TTC17: variants seen among roughly 807,000 people sequenced by gnomAD.
TTC17 encodes tetratricopeptide repeat protein 17.
Under a neutral mutation model 143.8 loss-of-function variants are expected in TTC17, and 58 were observed. That is an observed-to-expected ratio of 0.40 (90% CI 0.33 to 0.50). The LOEUF is 0.50. Among genes scored for constraint, TTC17 ranks in the 20% least tolerant of loss-of-function variants. The probability of loss-of-function intolerance (pLI) is 0.49; values close to 1 mark genes in which losing one functional copy is unlikely to be tolerated. For missense variants in TTC17, 1,273 were observed against 1,392.5 expected, an observed-to-expected ratio of 0.91 and a Z score of 1.37; for synonymous variants, 501 against 497.8, an observed-to-expected ratio of 1.01 and a Z score of -0.09.
chr11:43,403,521 CTT>C (rs949627681), intron 10 of TTC17, among the ~76,000 whole-genome samples: 11 of 152,134 alleles, frequency 7.2e-5, no homozygotes, highest in Non-Finnish European at 8.8e-5. Flanking sequence ...ACCCTCAAAA[CTT>C]TTCTTTGTAA....
At chr11:43,413,677 G>C (rs1338529702) in intron 15 of TTC17, among the ~76,000 whole-genome samples, 1 of 151,054 alleles carries the variant, frequency 6.6e-6, no homozygotes, top group Non-Finnish European at 1.5e-5. Context: ...CTTCAGAAAT[G>C]AGGATATCCA....
intron 16 of TTC17, among the ~76,000 whole-genome samples, chr11:43,420,713 T>A (rs1034804516): frequency 6.6e-6 from 1 of 152,188 alleles, no homozygotes; most frequent in Admixed American, 6.5e-5. Flanking sequence ...GTTTTATACT[T>A]CAGCCTCTGA....
rs779463707 is a variant in TTC17, at chr11:43,358,951, C to G, written c.-4C>G. 3 of 1,571,324 alleles carry G rather than the reference C, an allele frequency of 1.9e-6. No individual in the cohort carries two copies. The South Asian group carries it at 3.4e-5, about 18-fold the overall frequency. On this transcript the variant is annotated 5_prime_UTR_variant, in exon 1 of 24. Transcript: ENST00000039989. ...GGTGTGAGCGGCCCGGCCGGGGGGG[C>G]AAGATGGCGGCGGCAGTAGGGGTTC...
intron 18 of TTC17, chr11:43,446,827 C>T (rs1590436575): frequency 3.6e-6 from 1 of 277,112 alleles, no homozygotes; most frequent in Non-Finnish European, 5.5e-6. Context: ...AAAGGGCCCA[C>T]ACCCAAAAGG....
chr11:43,414,804 T>G, intron 16 of TTC17, 28 bp downstream of exon 16: 1 of 1,601,782 alleles, frequency 6.2e-7, no homozygotes. Flanking sequence ...GCTGACAAAC[T>G]AATGAGCTCA....
At chr11:43,407,066 A>C in intron 13 of TTC17, 72 bp from the exon 14 acceptor site, 8 of 993,152 alleles carry the variant, frequency 8.1e-6, no homozygotes, top group African/African-American at 1.6e-5. Context: ...AAAGACTGCC[A>C]TCTATAGAAA....
intron 16 of TTC17, among the ~76,000 whole-genome samples, chr11:43,434,780 G>GA (rs1947248033): frequency 1.3e-5 from 2 of 152,120 alleles, no homozygotes; most frequent in Non-Finnish European, 2.9e-5. Flanking sequence ...TTAAAACAAA[G>GA]AATCCTCAAT....
chr11:43,445,753 A>G (rs759892987), intron 18 of TTC17, among the ~76,000 whole-genome samples: 1 of 152,250 alleles, frequency 6.6e-6, no homozygotes, highest in African/African-American at 2.4e-5. Flanking sequence ...TCAAATTAGT[A>G]TGGATTCTAT....
At chr11:43,431,169 T>C (rs1947150082) in intron 16 of TTC17, among the ~76,000 whole-genome samples, 1 of 152,210 alleles carries the variant, frequency 6.6e-6, no homozygotes, top group African/African-American at 2.4e-5. Flanking sequence ...ATCCAGTCTA[T>C]CATTGATGGG....
At chr11:43,441,763 T>C (rs936242070) in intron 16 of TTC17, among the ~76,000 whole-genome samples, 1 of 152,184 alleles carries the variant, frequency 6.6e-6, no homozygotes, top group Non-Finnish European at 1.5e-5. Flanking sequence ...CTCCATATTC[T>C]CTCTTCATTT....
intron 1 of TTC17, among the ~76,000 whole-genome samples, chr11:43,372,647 C>G (rs1463500398): frequency 6.6e-6 from 1 of 151,968 alleles, no homozygotes; most frequent in Non-Finnish European, 1.5e-5. Context: ...TGTGCCACTA[C>G]GCCTGGCTAA....
intron 1 of TTC17, among the ~76,000 whole-genome samples, chr11:43,364,635 T>C (rs1358795733): frequency 6.6e-6 from 1 of 152,196 alleles, no homozygotes; most frequent in Non-Finnish European, 1.5e-5. Flanking sequence ...TTCAAAATGA[T>C]TCTCATTCAG....
At chr11:43,373,504 T>C (rs144995768) in intron 1 of TTC17, among the ~76,000 whole-genome samples, 5,816 of 152,050 alleles carry the variant, frequency 0.038, 151 homozygotes, top group Middle Eastern at 0.082. Context: ...TTTGTATTTT[T>C]AGTAGAGATG....
chr11:43,374,804 A>T (rs1037646954), intron 1 of TTC17, among the ~76,000 whole-genome samples: 1 of 151,918 alleles, frequency 6.6e-6, no homozygotes, highest in Non-Finnish European at 1.5e-5. Flanking sequence ...GAAGTCTTAT[A>T]CACAGTTGAT....
chr11:43,372,253 G>A (rs1856595870), intron 1 of TTC17, among the ~76,000 whole-genome samples: 1 of 151,350 alleles, frequency 6.6e-6, no homozygotes, highest in Non-Finnish European at 1.5e-5. Flanking sequence ...TAACCTAACG[G>A]TTTTCTTTCT....
At chr11:43,487,763 T>G (rs190737150) in intron 21 of TTC17, among the ~76,000 whole-genome samples, 6 of 152,326 alleles carry the variant, frequency 3.9e-5, no homozygotes, top group Admixed American at 2.6e-4. Context: ...ATCACTGGTC[T>G]GGGGGCTGGA....
At chr11:43,452,383 C>G (rs1393147122) in intron 21 of TTC17, among the ~76,000 whole-genome samples, 2 of 152,040 alleles carry the variant, frequency 1.3e-5, no homozygotes, top group Non-Finnish European at 2.9e-5. Flanking sequence ...ACCTGTAATC[C>G]CAGCTACTTG....
At chr11:43,485,883 GTTTTTTTTTTTTT>G (rs751026290) in intron 21 of TTC17, among the ~76,000 whole-genome samples, 2 of 112,618 alleles carry the variant, frequency 1.8e-5, no homozygotes, top group African/African-American at 6.9e-5. Context: ...TTGGTTTTTT[GTTTTTTTTTTTTT>G]TTTTTTTGAA....
chr11:43,358,962 C>T lies in TTC17; in HGVS notation c.8C>T (p.Ala3Val), dbSNP rs990046759. ...CCCGGCCGGGGGGGCAAGATGGCGG[C>T]GGCAGTAGGGGTTCGTGGCCGGTAC... MA[A>V]AVGVRGRYEL... Residue 3 changes from alanine (A) to valine (V), a missense_variant, in exon 1 of 24, where the codon GCG (alanine) becomes GTG (valine). By Grantham distance (64) the Ala-to-Val change is moderately conservative. This residue lies in a region of TTC17 where 70 missense variants were observed against 48.5 expected (regional missense o/e 1.44). Transcript: ENST00000039989. 3.2e-6 allele frequency: 5 copies of T among 1,573,790 alleles called. No homozygotes were observed. In the South Asian group the frequency reaches 3.4e-5, roughly 11 times the overall value.
Sources: allele counts gnomAD v4.1 joint callset (sites outside exome capture counted in the v4.1 genomes callset), GRCh38; gene constraint gnomAD v4.1.1; regional missense constraint gnomAD v4.1.1; transcripts MANE v1.5; gene names NCBI Gene and HGNC (gene_info 2026-07-23, HGNC 2026-07-21).